The following SYNJ1 variants were observed in gnomAD, a reference collection of about 807,000 sequenced individuals.
SYNJ1 encodes synaptojanin 1.
Under a neutral mutation model 168.2 loss-of-function variants are expected in SYNJ1, and 78 were observed. The ratio of observed to expected loss-of-function variants is 0.46; its 90% CI spans 0.39 to 0.56. The LOEUF is 0.56. SYNJ1 is among the 20% of genes least tolerant of loss of function. SYNJ1 has a pLI of 0.00. For synonymous variants in SYNJ1, 539 were observed against 548.6 expected (o/e 0.98, Z 0.24); for missense variants, 1,303 against 1,597.6 (o/e 0.82, Z 3.14).
chr21:32,669,240 G>A (rs932170207), intron 15 of SYNJ1, among the ~76,000 whole-genome samples: 10 of 152,006 alleles, frequency 6.6e-5, no homozygotes, highest in South Asian at 6.2e-4. Context: ...AATGACAGAC[G>A]GTGGTTATTC....
rs1232618061 is a variant in SYNJ1, at chr21:32,673,379, G to T, written c.1687C>A (p.Leu563Ile). The T allele has an allele frequency of 6.2e-7, 1 of 1,612,326 alleles. No homozygotes were observed. Among genetic ancestry groups the T allele is most frequent in the African/African-American group, 1.3e-5 (1 of 74,944 alleles). ...ATGCCAGCTAACTTGGGTGCATCAA[G>T]AAGCCAGTCAGTGAGTGTCTGATTC... ...FKNQTLTDWLLDAPKLAGIQE... is the reference protein window; with the variant it reads ...FKNQTLTDWLIDAPKLAGIQE... The change falls in exon 14 of 33, where the codon CTT becomes ATT. Residue 563 changes from leucine to isoleucine, a missense_variant. Physicochemically the swap from Leu to Ile is conservative, Grantham distance 5. Coordinates refer to ENST00000674351, the MANE Select transcript of SYNJ1 (RefSeq NM_203446.3).
intron 14 of SYNJ1, among the ~76,000 whole-genome samples, chr21:32,672,444 T>C (rs1028169212): frequency 6.6e-6 from 1 of 151,770 alleles, no homozygotes; most frequent in Non-Finnish European, 1.5e-5. Flanking sequence ...GATTCAAACA[T>C]TTCTCCTGCC....
At position 32,666,513 on chromosome 21, in the gene SYNJ1, CTTG is replaced by C; in HGVS notation, c.1869_1871del (p.Asn623del). On this transcript the variant is annotated inframe_deletion, in exon 16 of 33. Coordinates refer to ENST00000674351, the MANE Select transcript of SYNJ1 (RefSeq NM_203446.3). ...ACTGTTCAGAAGCCAGCAGCACATA[CTTG>C]TTGTCTCTGGAGATTGTCTTCTGAA... 2.5e-6 allele frequency: 4 copies of C among 1,614,150 alleles called. No individual in the cohort carries two copies. The highest frequency in any genetic ancestry group is 3.4e-6 in the Non-Finnish European group (4 of 1,180,000).
At position 32,726,803 on chromosome 21, in the gene SYNJ1, G is replaced by C. The variant is rs201322530; in HGVS notation, c.93C>G (p.Leu31=). 142 of 1,614,052 alleles carry C rather than the reference G, an allele frequency of 8.8e-5. 2 individuals carry two copies. The highest frequency in any genetic ancestry group is 1.6e-4 in the Middle Eastern group (1 of 6,084). The part of the protein sequence containing the change: ...IVETRHKEEC[L]MFESGAVAVL... The stretch of plus-strand genomic sequence containing the variant: ...CAGCGACAGCCCCAGACTCGAACAT[G>C]AGACATTCTTCCTTATGCCTAGTTT... Residue 31 remains leucine (L), a synonymous_variant, in exon 2 of 33, where the codon CTC becomes CTG. Transcript: ENST00000674351.
Position 32,646,528 on chromosome 21 carries a change from G to A in SYNJ1, c.3112C>T (p.Leu1038Phe). ...GGTGAAGAGCTGGGGGAAGTACCAAGGCCGGAACTTGAAGATGGCTGGAGA... is the reference window on the plus strand; with the variant it reads ...GGTGAAGAGCTGGGGGAAGTACCAAAGCCGGAACTTGAAGATGGCTGGAGA... ...QHLQPSSSSG[L>F]GTSPSSSPRT... Residue 1038 changes from leucine (L) to phenylalanine (F), a missense_variant, in exon 24 of 33, where the codon CTT becomes TTT. Leu to Phe is a conservative substitution (Grantham distance 22). Transcript: ENST00000674351. 1 of 1,614,148 alleles carries A rather than the reference G, an allele frequency of 6.2e-7. No individual in the cohort carries two copies. The highest frequency in any genetic ancestry group is 1.3e-5 in the African/African-American group (1 of 75,036).
At chr21:32,634,426 A>G (rs891022770) in intron 32 of SYNJ1, among the ~76,000 whole-genome samples, 1 of 152,158 alleles carries the variant, frequency 6.6e-6, no homozygotes, top group Non-Finnish European at 1.5e-5. Context: ...CTTCCTTACC[A>G]ATAACAATCT....
In SYNJ1 at chr21:32,694,228, T is replaced by C; in HGVS notation, c.789A>G (p.Gln263=). The C allele has an allele frequency of 1.3e-6, 2 of 1,532,348 alleles. No homozygotes were observed. The highest frequency in any genetic ancestry group is 1.7e-6 in the Non-Finnish European group (2 of 1,148,284). 94.9% of individuals were successfully genotyped at this position (1,532,348 alleles called of 1,614,324 possible). A position where few individuals can be genotyped will look rare whatever the true frequency, so the allele number is the denominator to read the frequency against. ...AAATAACTGAATGTCAAACACATACTTGCAACCCTGGTTGCTCCCAGAACA... is the reference window on the plus strand; with the variant it reads ...AAATAACTGAATGTCAAACACATACCTGCAACCCTGGTTGCTCCCAGAACA... ...VPLFWEQPGL[Q]VGSHRVRMSR... Residue 263 remains glutamine (Q), a splice_region_variant and synonymous_variant, in exon 6 of 33, where the codon CAA becomes CAG. Coordinates refer to ENST00000674351, the MANE Select transcript of SYNJ1 (RefSeq NM_203446.3).
At chr21:32,702,973 C>T (rs1007685640) in intron 2 of SYNJ1, among the ~76,000 whole-genome samples, 2 of 152,244 alleles carry the variant, frequency 1.3e-5, no homozygotes, top group Admixed American at 1.3e-4. Context: ...TCTTCTCAGC[C>T]TACTGCTTTG....
chr21:32,647,700 C>T (rs2040125982), intron 23 of SYNJ1, among the ~76,000 whole-genome samples: 2 of 152,182 alleles, frequency 1.3e-5, no homozygotes, highest in African/African-American at 4.8e-5. Context: ...TTCCATTGCA[C>T]GTGCTTGACA....
chr21:32,649,523 A>AC (rs1305853820), intron 23 of SYNJ1, among the ~76,000 whole-genome samples: 12 of 152,228 alleles, frequency 7.9e-5, no homozygotes, highest in African/African-American at 2.9e-4. Context: ...TTTTCGGCGT[A>AC]ATTACTTAAA....
rs761852713 is a variant in SYNJ1 at position 32,631,616 on chromosome 21, C to CG, written c.*188_*189insC. On this transcript the variant is annotated 3_prime_UTR_variant, in exon 33 of 33. Transcript: ENST00000674351. ...TTGTTGGCATGCAACTTACAGAACT[C>CG]AAAACATTACTTTGCGTTGCAGAAG... 82 of 1,146,566 alleles carry CG rather than the reference C, an allele frequency of 7.2e-5. No homozygotes were observed. In the African/African-American group the frequency reaches 1.8e-3, roughly 26 times the overall value. The allele number at this position is 1,146,566 out of a possible 1,614,324, so 71.0% of individuals were successfully genotyped here. A position where few individuals can be genotyped will look rare whatever the true frequency, so the allele number is the denominator to read the frequency against.
At chr21:32,720,776 C>A (rs1252823274) in intron 2 of SYNJ1, among the ~76,000 whole-genome samples, 1 of 152,244 alleles carries the variant, frequency 6.6e-6, no homozygotes, top group African/African-American at 2.4e-5. Context: ...ACCTCCCCAT[C>A]TTTTACGTAG....
intron 23 of SYNJ1, 100 bp from the exon 24 acceptor site, chr21:32,646,702 A>C: frequency 1.3e-6 from 1 of 799,314 alleles, no homozygotes; most frequent in Non-Finnish European, 2.1e-6. Flanking sequence ...CAAAACAAAT[A>C]TGAACATTAT....
At chr21:32,684,981 C>T (rs2041770272) in intron 9 of SYNJ1, among the ~76,000 whole-genome samples, 1 of 151,652 alleles carries the variant, frequency 6.6e-6, no homozygotes, top group Admixed American at 6.6e-5. Context: ...AGATCGAGAC[C>T]ATCCTGGCTA....
At position 32,631,264 on chromosome 21, in the gene SYNJ1, C is replaced by G. The variant is rs770188528; in HGVS notation, c.*541G>C. The G allele has an allele frequency of 6.2e-7, 1 of 1,614,202 alleles. No homozygotes were observed. On this transcript the variant is annotated 3_prime_UTR_variant, in exon 33 of 33. Transcript: ENST00000674351. ...TTCACACCAAAATCCTCTTCTTCCTCGAAGGTTACCCATCCTTTCGGGTTG... is the reference window on the plus strand; with the variant it reads ...TTCACACCAAAATCCTCTTCTTCCTGGAAGGTTACCCATCCTTTCGGGTTG...
upstream of SYNJ1, chr21:32,728,029 T>C (rs1456208463): frequency 6.5e-7 from 1 of 1,535,008 alleles, no homozygotes; most frequent in Admixed American, 2.0e-5. Flanking sequence ...AGCAGGCCCA[T>C]CTCTTCCGCA....
At chr21:32,675,441 C>T (rs372086967) in intron 13 of SYNJ1, among the ~76,000 whole-genome samples, 5 of 152,094 alleles carry the variant, frequency 3.3e-5, no homozygotes, top group African/African-American at 1.2e-4. Context: ...TATGCTCAAA[C>T]AACAGATGTC....
rs769088554 is a variant in SYNJ1 at position 32,631,220 on chromosome 21, AGCTGACTTT to A, written c.*576_*584del. On this transcript the variant is annotated 3_prime_UTR_variant, in exon 33 of 33. Transcript: ENST00000674351. ...GCTGATTACCCAGTAAGTCTGAACA[AGCTGACTTT>A]GACTTCCCTTTCACACCAAAATCCT... The A allele has an allele frequency of 7.4e-6, 12 of 1,614,080 alleles. No homozygotes were observed. In the East Asian group the frequency reaches 2.4e-4, roughly 33 times the overall value.
chr21:32,653,136 T>C, intron 22 of SYNJ1, 152 bp downstream of exon 22: 1 of 605,242 alleles, frequency 1.7e-6, no homozygotes, highest in Non-Finnish European at 2.8e-6. Flanking sequence ...AGAAATCCAG[T>C]CTAAATAAAA....
Sources: gnomAD v4.1 joint callset for allele counts (sites outside exome capture counted in the v4.1 genomes callset) on GRCh38, gnomAD v4.1.1 for gene constraint, MANE v1.5 for transcripts, NCBI Gene and HGNC (gene_info 2026-07-23, HGNC 2026-07-21) for gene names.